The following C11orf52 variants were observed in gnomAD, a reference collection of about 807,000 sequenced individuals.
C11orf52 encodes uncharacterized protein C11orf52.
A neutral mutation model predicts 11.7 loss-of-function variants in C11orf52; 9 were observed. The observed-to-expected ratio is 0.77, with a 90% CI of 0.46 to 1.34. C11orf52 has a LOEUF of 1.34. Ranked by LOEUF, C11orf52 falls within the 40% of genes most tolerant of loss-of-function variation. The pLI, the probability that C11orf52 is intolerant of heterozygous loss-of-function variation, is 0.00. For synonymous variants in C11orf52, 49 were observed against 57.4 expected (o/e 0.85, Z 0.66); for missense variants, 139 against 154.8 (o/e 0.90, Z 0.54).
intron 3 of C11orf52, 82 bp downstream of exon 3, chr11:111,925,796 A>C: frequency 1.3e-6 from 2 of 1,570,418 alleles, no homozygotes; most frequent in Non-Finnish European, 1.7e-6. Context: ...TGCAACAGAC[A>C]CATTTCAGTC....
At chr11:111,922,438 C>G (rs587718404) in intron 1 of C11orf52, among the ~76,000 whole-genome samples, 1 of 152,116 alleles carries the variant, frequency 6.6e-6, no homozygotes, top group African/African-American at 2.4e-5. Flanking sequence ...AGGTAATAAT[C>G]ATTCATTGCA....
Position 111,926,046 on chromosome 11 carries a change from C to T in C11orf52, c.219C>T (p.Asp73=), listed in dbSNP as rs959332501. ...GGAGTCCAGGCCTCATGTCGGAAGA[C>T]AGCAACTTACATTATGCTGACATTC... ...QERSPGLMSE[D]SNLHYADIQV... Residue 73 remains aspartate (D), a synonymous_variant, in exon 4 of 4, where the codon GAC becomes GAT. Transcript: ENST00000278601. The T allele has an allele frequency of 1.9e-6, 3 of 1,614,150 alleles. No homozygotes were observed. The highest frequency in any genetic ancestry group is 1.7e-6 in the Non-Finnish European group (2 of 1,180,054).
intron 2 of C11orf52, among the ~76,000 whole-genome samples, chr11:111,925,329 T>A (rs75674328): frequency 1.4e-4 from 22 of 152,316 alleles, no homozygotes; most frequent in Non-Finnish European, 2.6e-4. Context: ...GTAAGCCCCC[T>A]GAGGTAGAGG....
chr11:111,919,010 T>C lies in C11orf52; in HGVS notation c.32+6T>C, dbSNP rs781873000. The C allele has an allele frequency of 6.2e-7, 1 of 1,613,860 alleles. No homozygotes were observed. The highest frequency in any genetic ancestry group is 1.3e-5 in the African/African-American group (1 of 74,834). Reference sequence around the variant, plus strand: ...GTCTGCTGCGGAGGAAGCTGGTGAGTAGGCTGGAAGGGCAAAGGGGAACAT... The same window carrying C: ...GTCTGCTGCGGAGGAAGCTGGTGAGCAGGCTGGAAGGGCAAAGGGGAACAT... On this transcript the variant is annotated splice_donor_region_variant and intron_variant, in intron 1 of 3. Coordinates refer to ENST00000278601, the MANE Select transcript of C11orf52 (RefSeq NM_080659.3).
intron 1 of C11orf52, 184 bp downstream of exon 1, chr11:111,919,188 C>A: frequency 4.3e-6 from 3 of 701,242 alleles, no homozygotes; most frequent in Non-Finnish European, 4.8e-6. Flanking sequence ...AAGACAGAGC[C>A]AAGTGGCTGG....
intron 1 of C11orf52, among the ~76,000 whole-genome samples, chr11:111,922,368 T>C (rs970071342): frequency 2.0e-4 from 31 of 152,244 alleles, no homozygotes; most frequent in African/African-American, 6.3e-4. Context: ...AAAGATATTA[T>C]GGCAATTGAA....
intron 2 of C11orf52, among the ~76,000 whole-genome samples, chr11:111,925,294 ATTTAT>A (rs1369771856): frequency 6.6e-6 from 1 of 151,810 alleles, no homozygotes; most frequent in African/African-American, 2.4e-5. Context: ...ACTTATTTTT[ATTTAT>A]TTGTCTCCCC....
chr11:111,922,575 T>C (rs1015812744), intron 1 of C11orf52, among the ~76,000 whole-genome samples: 7 of 152,214 alleles, frequency 4.6e-5, no homozygotes, highest in Admixed American at 2.6e-4. Context: ...TTCCAAAACA[T>C]ACCTTTTTAC....
intron 1 of C11orf52, chr11:111,919,280 C>A: frequency 2.3e-6 from 1 of 428,920 alleles, no homozygotes; most frequent in Non-Finnish European, 4.3e-6. Context: ...CGAGACCATC[C>A]TAGCCAACAT....
At chr11:111,922,410 T>C (rs1479604157) in intron 1 of C11orf52, among the ~76,000 whole-genome samples, 2 of 152,358 alleles carry the variant, frequency 1.3e-5, no homozygotes, top group East Asian at 3.9e-4. Context: ...TCTTTATTGT[T>C]ATTGTTTCTG....
chr11:111,919,123 C>G, intron 1 of C11orf52, 119 bp downstream of exon 1: 1 of 1,087,488 alleles, frequency 9.2e-7, no homozygotes, highest in Non-Finnish European at 1.4e-6. Context: ...CCTTCCTCTG[C>G]CTGGTACCTC....
chr11:111,923,916 C>T (rs1408549346), intron 1 of C11orf52, among the ~76,000 whole-genome samples: 18 of 151,608 alleles, frequency 1.2e-4, no homozygotes, highest in African/African-American at 4.4e-4. Flanking sequence ...GGTAAAGACC[C>T]CAGGAAAAAA....
At chr11:111,924,656 A>T (rs1555166785) in intron 2 of C11orf52, among the ~76,000 whole-genome samples, 1 of 152,228 alleles carries the variant, frequency 6.6e-6, no homozygotes, top group Non-Finnish European at 1.5e-5. Context: ...AAGGAGGCAG[A>T]GAGGCACAAG....
intron 1 of C11orf52, among the ~76,000 whole-genome samples, chr11:111,922,546 T>A (rs1262278635): frequency 2.0e-5 from 3 of 152,224 alleles, no homozygotes; most frequent in Non-Finnish European, 4.4e-5. Context: ...ATATATTTTT[T>A]AAATGTGCAC....
At chr11:111,924,848 C>T (rs72991414) in intron 2 of C11orf52, among the ~76,000 whole-genome samples, 163 of 152,264 alleles carry the variant, frequency 1.1e-3, no homozygotes, top group South Asian at 2.3e-3. Context: ...AAGGGCCAGG[C>T]GTAGTGCCTC....
In C11orf52 at chr11:111,925,662, C is replaced by G. The variant is rs1555166870; in HGVS notation, c.80C>G (p.Thr27Arg). ...GATTTCTTCCCCTCAGGAAGCCAAA[C>G]AAGACGGACACTGAAGCCGCAGCCA... ...FQKKKKTGSQ[T>R]RRTLKPQPQQ... The change falls in exon 3 of 4, where the codon ACA becomes AGA. Residue 27 changes from threonine to arginine, a missense_variant. Coordinates refer to ENST00000278601, the MANE Select transcript of C11orf52 (RefSeq NM_080659.3). 7 of 1,614,210 alleles carry G rather than the reference C, an allele frequency of 4.3e-6. No homozygotes were observed. Among genetic ancestry groups the G allele is most frequent in the Non-Finnish European group, 5.9e-6 (7 of 1,180,032 alleles).
chr11:111,920,503 A>C (rs1965675028), intron 1 of C11orf52, among the ~76,000 whole-genome samples: 2 of 152,146 alleles, frequency 1.3e-5, no homozygotes, highest in South Asian at 4.1e-4. Flanking sequence ...GCGCCACTGC[A>C]GTCCAGACTG....
At chr11:111,924,487 A>G in intron 2 of C11orf52, 124 bp downstream of exon 2, 2 of 802,612 alleles carry the variant, frequency 2.5e-6, no homozygotes, top group East Asian at 2.6e-5. Flanking sequence ...ACAGCACACC[A>G]AAGAGAATCC....
Position 111,925,720 on chromosome 11 carries a change from G to C in C11orf52, c.132+6G>C, listed in dbSNP as rs782560250. On this transcript the variant is annotated splice_donor_region_variant and intron_variant, in intron 3 of 3. Transcript: ENST00000278601. ...TGCAGCAGAATCTCCCAAAGGTAATGACAGGTCTCTGTCCCCTCTCTGGGG... is the reference window on the plus strand; with the variant it reads ...TGCAGCAGAATCTCCCAAAGGTAATCACAGGTCTCTGTCCCCTCTCTGGGG... The C allele has an allele frequency of 3.1e-6, 5 of 1,614,204 alleles. No individual in the cohort carries two copies. The highest frequency in any genetic ancestry group is 4.2e-6 in the Non-Finnish European group (5 of 1,180,016).
Sources: allele counts gnomAD v4.1 joint callset (sites outside exome capture counted in the v4.1 genomes callset), GRCh38; gene constraint gnomAD v4.1.1; transcripts MANE v1.5; gene names NCBI Gene and HGNC (gene_info 2026-07-23, HGNC 2026-07-21).